Variants in GULP1 observed in about 807,000 individuals in gnomAD.
The protein encoded by GULP1 is PTB domain-containing engulfment adapter protein 1.
GULP1 carries 19 observed loss-of-function variants against 40.9 expected under a neutral mutation model. The observed-to-expected ratio is 0.46, with a 90% CI of 0.32 to 0.68. GULP1 has a LOEUF of 0.68. Ranked by LOEUF, GULP1 falls within the 30% of genes least tolerant of loss-of-function variation. The pLI, the probability that GULP1 is intolerant of heterozygous loss-of-function variation, is 0.03. For missense variants in GULP1, 312 were observed against 362.2 expected, an observed-to-expected ratio of 0.86 and a Z score of 1.12; for synonymous variants, 119 against 117.6, an observed-to-expected ratio of 1.01 and a Z score of -0.08.
intron 4 of GULP1, among the ~76,000 whole-genome samples, chr2:188,507,790 A>G (rs1575669076): frequency 2.0e-5 from 3 of 151,922 alleles, no homozygotes; most frequent in Admixed American, 2.0e-4. Flanking sequence ...TTAGATGCAC[A>G]GTTCATATTT....
chr2:188,404,739 C>T (rs1334032846), intron 2 of GULP1, among the ~76,000 whole-genome samples: 1 of 152,106 alleles, frequency 6.6e-6, no homozygotes, highest in Non-Finnish European at 1.5e-5. Context: ...GGCTTTGGGA[C>T]TACCATAGAC....
intron 7 of GULP1, 25 bp downstream of exon 7, chr2:188,541,343 T>G (rs1205885547): frequency 6.2e-7 from 1 of 1,603,758 alleles, no homozygotes; most frequent in Non-Finnish European, 8.5e-7. Flanking sequence ...TGTTGTAGGG[T>G]GGTTTGTTCT....
intron 2 of GULP1, among the ~76,000 whole-genome samples, chr2:188,389,587 T>G (rs1448652009): frequency 6.6e-6 from 1 of 152,132 alleles, no homozygotes; most frequent in East Asian, 1.9e-4. Context: ...ATATATTAAA[T>G]TGTTAAAAAA....
intron 1 of GULP1, among the ~76,000 whole-genome samples, chr2:188,320,929 C>A (rs1426757080): frequency 3.3e-5 from 5 of 150,708 alleles, no homozygotes; most frequent in Admixed American, 2.6e-4. Context: ...AAAAAAAACA[C>A]CTACAAAAGG....
At chr2:188,487,825 CT>C (rs2061995009) in intron 4 of GULP1, among the ~76,000 whole-genome samples, 1 of 151,918 alleles carries the variant, frequency 6.6e-6, no homozygotes, top group African/African-American at 2.4e-5. Flanking sequence ...CTGTTTGCCA[CT>C]TCGTTTGTTT....
At chr2:188,316,145 C>A (rs1051015909) in intron 1 of GULP1, among the ~76,000 whole-genome samples, 1 of 152,036 alleles carries the variant, frequency 6.6e-6, no homozygotes, top group African/African-American at 2.4e-5. Context: ...TCTCTTTTTG[C>A]TTGTATGCCT....
chr2:188,472,916 T>G (rs2060706207), intron 2 of GULP1, among the ~76,000 whole-genome samples: 2 of 152,334 alleles, frequency 1.3e-5, no homozygotes, highest in African/African-American at 4.8e-5. Context: ...CTCTTGTTTG[T>G]ACCTGTCCTT....
At chr2:188,388,423 G>A (rs1448444936) in intron 2 of GULP1, among the ~76,000 whole-genome samples, 1 of 150,526 alleles carries the variant, frequency 6.6e-6, no homozygotes, top group African/African-American at 2.5e-5. Context: ...TATACTTGTA[G>A]TCCCAGCTCC....
Position 188,420,344 on chromosome 2 carries a change from T to G in GULP1, c.-45+36455T>G, listed in dbSNP as rs898957806. On this transcript the variant is annotated intron_variant, in intron 2 of 11. Transcript: ENST00000409830. ...TTTTTCCATTTATTCATATCATAAT[T>G]TCTTTTATCAGTAATTTGTAGTTTT... 4.6e-5 allele frequency among the ~76,000 whole-genome samples: 7 copies of G among 152,340 alleles called. No individual in the cohort carries two copies. The South Asian group carries it at 1.4e-3, about 32-fold the overall frequency.
chr2:188,323,130 CT>C (rs1225566722), intron 1 of GULP1, among the ~76,000 whole-genome samples: 1 of 152,022 alleles, frequency 6.6e-6, no homozygotes, highest in African/African-American at 2.4e-5. Context: ...AATATCGACA[CT>C]CTTCCAGATC....
chr2:188,360,642 C>G (rs1343226617), intron 1 of GULP1, among the ~76,000 whole-genome samples: 1 of 152,060 alleles, frequency 6.6e-6, no homozygotes, highest in Non-Finnish European at 1.5e-5. Flanking sequence ...TGCACAATGT[C>G]TGATCCCTGT....
chr2:188,489,795 A>G (rs945999007), intron 4 of GULP1, among the ~76,000 whole-genome samples: 5 of 152,064 alleles, frequency 3.3e-5, no homozygotes, highest in Admixed American at 3.3e-4. Context: ...ATGCCAAAAA[A>G]TATGAAAGCA....
At chr2:188,423,352 C>G (rs1444489916) in intron 2 of GULP1, among the ~76,000 whole-genome samples, 3 of 151,812 alleles carry the variant, frequency 2.0e-5, no homozygotes, top group Non-Finnish European at 2.9e-5. Flanking sequence ...TTAAATTAGA[C>G]AGTATATGAT....
At chr2:188,312,157 A>G (rs2038263288) in intron 1 of GULP1, among the ~76,000 whole-genome samples, 1 of 152,000 alleles carries the variant, frequency 6.6e-6, no homozygotes, top group African/African-American at 2.4e-5. Context: ...ATACCTAAGT[A>G]CTTTAGAAAA....
chr2:188,545,973 A>G (rs964836490), intron 7 of GULP1, among the ~76,000 whole-genome samples: 2 of 151,884 alleles, frequency 1.3e-5, no homozygotes, highest in African/African-American at 4.8e-5. Context: ...AGGCAAAGAA[A>G]ATTACCAGAG....
intron 11 of GULP1, chr2:188,591,330 A>G (rs906787772): frequency 2.6e-5 from 4 of 152,100 alleles, no homozygotes; most frequent in Non-Finnish European, 5.9e-5. Flanking sequence ...GGCAGTCCAG[A>G]GTTAGTTCAG....
chr2:188,313,492 T>TA (rs1055692808), intron 1 of GULP1, among the ~76,000 whole-genome samples: 1 of 152,200 alleles, frequency 6.6e-6, no homozygotes, highest in Non-Finnish European at 1.5e-5. Flanking sequence ...TTGATACTAG[T>TA]ACCATGCTGT....
intron 4 of GULP1, among the ~76,000 whole-genome samples, chr2:188,514,085 G>GCA (rs1470912434): frequency 6.6e-6 from 1 of 150,970 alleles, no homozygotes; most frequent in African/African-American, 2.4e-5. Context: ...GTGTGTGTGC[G>GCA]CCCTGCCACT....
intron 7 of GULP1, among the ~76,000 whole-genome samples, chr2:188,557,038 A>G (rs1694948627): frequency 6.6e-6 from 1 of 151,728 alleles, no homozygotes; most frequent in Non-Finnish European, 1.5e-5. Flanking sequence ...AAAAAAAAAG[A>G]AAAGAAATCT....
Sources: gnomAD v4.1 joint callset for allele counts (sites outside exome capture counted in the v4.1 genomes callset) on GRCh38, gnomAD v4.1.1 for gene constraint, MANE v1.5 for transcripts, NCBI Gene and HGNC (gene_info 2026-07-23, HGNC 2026-07-21) for gene names.